ANXA6: variants seen among roughly 807,000 people sequenced by gnomAD.
The protein encoded by ANXA6 is annexin A6, also known as 67 kDa calelectrin.
A neutral mutation model predicts 95.4 loss-of-function variants in ANXA6; 71 were observed. The ratio of observed to expected loss-of-function variants is 0.74; its 90% CI spans 0.61 to 0.91. The LOEUF (loss-of-function observed/expected upper bound fraction) is 0.91. ANXA6 is among the 40% of genes least tolerant of loss of function. The pLI, the probability that ANXA6 is intolerant of heterozygous loss-of-function variation, is 0.00. For synonymous variants in ANXA6, 289 were observed against 315.9 expected (o/e 0.91, Z 0.90); for missense variants, 830 against 876.4 (o/e 0.95, Z 0.67).
At chr5:151,104,868 C>T (rs1333111700) in intron 24 of ANXA6, among the ~76,000 whole-genome samples, 1 of 152,224 alleles carries the variant, frequency 6.6e-6, no homozygotes, top group African/African-American at 2.4e-5. Flanking sequence ...TGTGTGCCTC[C>T]AGAGCACATT....
chr5:151,109,274 T>A (rs886126412), intron 22 of ANXA6, among the ~76,000 whole-genome samples: 2 of 152,194 alleles, frequency 1.3e-5, no homozygotes, highest in African/African-American at 4.8e-5. Context: ...AATGTCTCAG[T>A]GCAGGACACT....
chr5:151,156,236 T>C (rs1417206998), intron 1 of ANXA6, among the ~76,000 whole-genome samples: 1 of 152,142 alleles, frequency 6.6e-6, no homozygotes. Context: ...TCCTAAATCT[T>C]AGAACAGTTG....
At chr5:151,107,388 T>C (rs1042345727) in intron 23 of ANXA6, among the ~76,000 whole-genome samples, 4 of 152,208 alleles carry the variant, frequency 2.6e-5, no homozygotes, top group African/African-American at 7.2e-5. Context: ...AGTGAGTAAG[T>C]GGCAGAGCAG....
At chr5:151,110,804 G>A (rs754490604) in intron 20 of ANXA6, among the ~76,000 whole-genome samples, 160 bp from the exon 21 acceptor site, 3 of 152,146 alleles carry the variant, frequency 2.0e-5, no homozygotes, top group Admixed American at 6.5e-5. Context: ...CGAAAGGAAG[G>A]GGGGTAGGGA....
At chr5:151,104,946 T>C (rs1764654704) in intron 24 of ANXA6, among the ~76,000 whole-genome samples, 1 of 152,222 alleles carries the variant, frequency 6.6e-6, no homozygotes. Context: ...ACTGAGGTTG[T>C]TTAACAGCAT....
Position 151,134,479 on chromosome 5 carries a change from G to A in ANXA6, c.494C>T (p.Thr165Ile). 1 of 1,613,972 alleles carries A rather than the reference G, an allele frequency of 6.2e-7. No homozygotes were observed. The highest frequency in any genetic ancestry group is 8.5e-7 in the Non-Finnish European group (1 of 1,179,884). Residue 165 changes from threonine (T) to isoleucine (I), a missense_variant, in exon 8 of 26, where the codon ACC becomes ATC. Coordinates refer to ENST00000354546, the MANE Select transcript of ANXA6 (RefSeq NM_001155.5). ...QKMLVVLLQG[T>I]REEDDVVSED... ...GCTCACTACGTCATCCTCCTCCCTG[G>A]TTCCCTGGGCAGAAAGACAAAGAAC...
intron 2 of ANXA6, among the ~76,000 whole-genome samples, chr5:151,140,800 A>G (rs894164220): frequency 2.6e-5 from 4 of 152,124 alleles, no homozygotes; most frequent in African/African-American, 9.7e-5. Context: ...AGCCATTTGT[A>G]GACGCTCTTA....
At chr5:151,136,038 C>G (rs1043609408) in intron 7 of ANXA6, among the ~76,000 whole-genome samples, 1 of 152,048 alleles carries the variant, frequency 6.6e-6, no homozygotes, top group Non-Finnish European at 1.5e-5. Flanking sequence ...CAGAGAGGAG[C>G]GGGAGGAGCG....
chr5:151,139,008 T>C, intron 4 of ANXA6: 1 of 603,512 alleles, frequency 1.7e-6, no homozygotes, highest in Admixed American at 2.9e-5. Context: ...CAAACGGCTA[T>C]GCAGGGTCAG....
At chr5:151,129,137 A>T (rs1339811409) in intron 12 of ANXA6, among the ~76,000 whole-genome samples, 2 of 152,250 alleles carry the variant, frequency 1.3e-5, no homozygotes, top group African/African-American at 4.8e-5. Context: ...CCCTTGGGGC[A>T]GAGTCCTCGC....
chr5:151,137,051 G>A (rs1765683552), intron 6 of ANXA6, among the ~76,000 whole-genome samples, 180 bp downstream of exon 6: 2 of 152,076 alleles, frequency 1.3e-5, no homozygotes, highest in African/African-American at 2.4e-5. Context: ...GTTTTATCCC[G>A]AGAACCTAGC....
chr5:151,128,008 C>G (rs967173368), intron 13 of ANXA6, among the ~76,000 whole-genome samples, 173 bp downstream of exon 13: 2 of 152,168 alleles, frequency 1.3e-5, no homozygotes, highest in African/African-American at 2.4e-5. Context: ...CTCAGACACA[C>G]AGACCCACAA....
In ANXA6 at chr5:151,138,677, C is replaced by T; in HGVS notation, c.318+1G>A. 1 of 1,609,604 alleles carries T rather than the reference C, an allele frequency of 6.2e-7. No homozygotes were observed. Among genetic ancestry groups the T allele is most frequent in the Non-Finnish European group, 8.5e-7 (1 of 1,176,076 alleles). ...ACACCACATACACCCCCACTTCTTACCGAGATGGCATCTTTAATTTCTTTG... is the reference window on the plus strand; with the variant it reads ...ACACCACATACACCCCCACTTCTTATCGAGATGGCATCTTTAATTTCTTTG... On this transcript the variant is annotated splice_donor_variant, in intron 5 of 25. Coordinates refer to ENST00000354546, the MANE Select transcript of ANXA6 (RefSeq NM_001155.5). LOFTEE classifies it high-confidence loss of function.
Position 151,140,227 on chromosome 5 carries a change from C to T in ANXA6, c.35G>A (p.Gly12Asp). 1.2e-6 allele frequency: 2 copies of T among 1,613,864 alleles called. No homozygotes were observed. Among genetic ancestry groups the T allele is most frequent in the East Asian group, 2.2e-5 (1 of 44,876 alleles). Residue 12 changes from glycine to aspartate, a missense_variant, in exon 3 of 26, where the codon GGC becomes GAC. Gly to Asp is a moderately conservative substitution (Grantham distance 94). Transcript: ENST00000354546. The part of the protein sequence containing the change: ...AKPAQGAKYR[G>D]SIHDFPGFDP... ...AAAGCCTGGGAAGTCATGGATGGAG[C>T]CCCGGTACTTGGCACCCTGTGGAGA...
In ANXA6 at chr5:151,144,882, A is replaced by C. The variant is rs555579979; in HGVS notation, c.18+3002T>G. 1.4e-4 allele frequency among the ~76,000 whole-genome samples: 22 copies of C among 152,160 alleles called. No homozygotes were observed. The East Asian group carries it at 3.9e-3, about 27-fold the overall frequency. On this transcript the variant is annotated intron_variant, in intron 2 of 25. Transcript: ENST00000354546. Reference sequence around the variant, plus strand: ...CACTAGAAGCAAAGGTGGGGGGCTTAGCACTAGTCACATTTGGAGATACAG... The same window carrying C: ...CACTAGAAGCAAAGGTGGGGGGCTTCGCACTAGTCACATTTGGAGATACAG...
intron 20 of ANXA6, among the ~76,000 whole-genome samples, chr5:151,115,607 T>G (rs933132868): frequency 2.0e-5 from 3 of 152,204 alleles, no homozygotes; most frequent in Admixed American, 1.3e-4. Flanking sequence ...GCTGAGATTT[T>G]TAAAAAACTC....
intron 5 of ANXA6, among the ~76,000 whole-genome samples, chr5:151,138,217 T>G (rs1765722491): frequency 6.6e-6 from 1 of 152,182 alleles, no homozygotes; most frequent in Non-Finnish European, 1.5e-5. Flanking sequence ...GAACTACTCT[T>G]CATACCCTAA....
At chr5:151,135,080 A>G (rs1765618846) in intron 7 of ANXA6, among the ~76,000 whole-genome samples, 1 of 152,176 alleles carries the variant, frequency 6.6e-6, no homozygotes, top group Non-Finnish European at 1.5e-5. Flanking sequence ...CACAAAGGGA[A>G]GAGGGGCGAG....
chr5:151,124,357 G>A lies in ANXA6; in HGVS notation c.1067C>T (p.Thr356Ile). 1.9e-6 allele frequency: 3 copies of A among 1,611,178 alleles called. No homozygotes were observed. Among genetic ancestry groups the A allele is most frequent in the Non-Finnish European group, 2.5e-6 (3 of 1,178,762 alleles). Residue 356 changes from threonine to isoleucine, a missense_variant, in exon 15 of 26, where the codon ACT (threonine) becomes ATT (isoleucine). Coordinates refer to ENST00000354546, the MANE Select transcript of ANXA6 (RefSeq NM_001155.5). ...SAVARVELKG[T>I]VRPANDFNPD... ...GTTGAAGTCATTGGCTGGGCGCACA[G>A]TTCCCTTCAGCTGTGAGAAGCAGAA...
Sources: gnomAD v4.1 joint callset for allele counts (sites outside exome capture counted in the v4.1 genomes callset) on GRCh38, gnomAD v4.1.1 for gene constraint, MANE v1.5 for transcripts, NCBI Gene and HGNC (gene_info 2026-07-23, HGNC 2026-07-21) for gene names.